The following YARS1 variants were observed in gnomAD, a reference collection of about 807,000 sequenced individuals.
YARS1 encodes the protein tyrosyl-tRNA synthetase 1.
In YARS1, 36 loss-of-function variants were observed where a neutral mutation model predicts 62.2. The observed-to-expected ratio is 0.58, with a 90% CI of 0.44 to 0.76. The LOEUF (loss-of-function observed/expected upper bound fraction) is 0.76, where lower values mean the gene tolerates loss of function less well. Among genes scored for constraint, YARS1 ranks in the 30% least tolerant of loss-of-function variants. YARS1 has a pLI of 0.00. For synonymous variants in YARS1, 234 were observed against 244.9 expected (o/e 0.96, Z 0.42); for missense variants, 524 against 639.8 (o/e 0.82, Z 1.95).
intron 5 of YARS1, among the ~76,000 whole-genome samples, chr1:32,793,891 GCTGAAAGAACTCATTA>G (rs543067720): frequency 2.3e-4 from 35 of 152,300 alleles, no homozygotes; most frequent in Admixed American, 7.2e-4. Context: ...ATAAAAGAAA[GCTGAAAGAACTCATTA>G]CTGAAAGAAC....
intron 1 of YARS1, chr1:32,811,733 G>A (rs1638591364): frequency 1.9e-5 from 3 of 156,902 alleles, no homozygotes; most frequent in Admixed American, 1.9e-4. Context: ...ATCTCAGAGT[G>A]TGGCGTTTCT....
intron 1 of YARS1, chr1:32,816,703 G>T (rs76213478): frequency 7.0e-4 from 116 of 165,628 alleles, no homozygotes; most frequent in African/African-American, 2.6e-3. Flanking sequence ...GTGGAGTGAG[G>T]GGGGGGGATC....
intron 1 of YARS1, among the ~76,000 whole-genome samples, chr1:32,812,999 C>T (rs1319308905): frequency 6.6e-6 from 1 of 151,262 alleles, no homozygotes; most frequent in Non-Finnish European, 1.5e-5. Context: ...CCTTGGCTTC[C>T]ACAACCCTCC....
intron 4 of YARS1, among the ~76,000 whole-genome samples, chr1:32,799,832 T>C (rs1041677542): frequency 1.3e-5 from 2 of 152,042 alleles, no homozygotes; most frequent in Non-Finnish European, 2.9e-5. Flanking sequence ...AGATGGAGTC[T>C]CACACACACA....
In YARS1 at chr1:32,781,030, G is replaced by T; in HGVS notation, c.1140+18C>A. On this transcript the variant is annotated intron_variant, in intron 10 of 12. Coordinates refer to ENST00000373477, the MANE Select transcript of YARS1 (RefSeq NM_003680.4). ...TGACCCCAATCTGCCTCTCTGAGAT[G>T]TGGTGAAAAATGAGTACCTTCTCCA... The T allele has an allele frequency of 6.2e-7, 1 of 1,611,224 alleles. No homozygotes were observed. The highest frequency in any genetic ancestry group is 8.5e-7 in the Non-Finnish European group (1 of 1,177,310).
At position 32,776,152 on chromosome 1, in the gene YARS1, C is replaced by CT. The variant is rs1652852339; in HGVS notation, c.1477-62dup. 1.5e-5 allele frequency: 21 copies of CT among 1,420,344 alleles called. No homozygotes were observed. Among genetic ancestry groups the CT allele is most frequent in the Non-Finnish European group, 2.1e-5 (21 of 1,019,312 alleles). 88.0% of individuals were successfully genotyped at this position (1,420,344 alleles called of 1,614,324 possible). On this transcript the variant is annotated intron_variant, in intron 12 of 12. Transcript: ENST00000373477. This position sits in a 1 kb window ranked among gnomAD's most constrained non-coding sequence, Gnocchi z 4.0. ...TGGTGGGACTGCAAGAAAACCCCCCCTTTTTTGGAGGGGGGGCAGAGTTTT... is the reference window on the plus strand; with the variant it reads ...TGGTGGGACTGCAAGAAAACCCCCCCTTTTTTTGGAGGGGGGGCAGAGTTTT...
intron 11 of YARS1, 137 bp from the exon 12 acceptor site, chr1:32,779,660 CCT>C: frequency 8.9e-7 from 1 of 1,127,522 alleles, no homozygotes; most frequent in Non-Finnish European, 1.3e-6. Context: ...CCCAGGAGGT[CCT>C]CTTATCTTGC....
intron 1 of YARS1, among the ~76,000 whole-genome samples, chr1:32,816,107 TCA>T (rs1638721326): frequency 3.2e-5 from 2 of 62,046 alleles, no homozygotes; most frequent in African/African-American, 7.2e-5. Flanking sequence ...AGACTCCGCC[TCA>T]AAAAAAAAAA....
chr1:32,780,553 C>T, intron 10 of YARS1: 1 of 513,584 alleles, frequency 1.9e-6, no homozygotes, highest in East Asian at 3.6e-5. Context: ...TGCAGGAGCA[C>T]CAGCATTGAT....
chr1:32,784,875 T>C (rs1195604604), intron 8 of YARS1, among the ~76,000 whole-genome samples: 1 of 152,196 alleles, frequency 6.6e-6, no homozygotes, highest in African/African-American at 2.4e-5. Flanking sequence ...CCTAGCATAG[T>C]GCCTAACACA....
In YARS1 at chr1:32,780,144, G is replaced by A. The variant is rs778718842; in HGVS notation, c.1275C>T (p.Asn425=). The part of the protein sequence containing the change: ...LQDRLVVVLC[N]LKPQKMRGVE... Reference sequence around the variant, plus strand: ...CTCCTCTCATCTTCTGGGGTTTCAGGTTGCACAGCACCACTACCAGCCTGT... The same window carrying A: ...CTCCTCTCATCTTCTGGGGTTTCAGATTGCACAGCACCACTACCAGCCTGT... The change falls in exon 11 of 13, where the codon AAC becomes AAT. Residue 425 remains asparagine (N), a synonymous_variant. Coordinates refer to ENST00000373477, the MANE Select transcript of YARS1 (RefSeq NM_003680.4). 100 of 1,614,012 alleles carry A rather than the reference G, an allele frequency of 6.2e-5. 1 individual carries two copies. The Admixed American group carries it at 1.6e-3, about 26-fold the overall frequency.
At chr1:32,795,251 G>A (rs964225376) in intron 5 of YARS1, among the ~76,000 whole-genome samples, 1 of 151,632 alleles carries the variant, frequency 6.6e-6, no homozygotes, top group Non-Finnish European at 1.5e-5. Flanking sequence ...CCCGGGAGGT[G>A]GAGGTTGCAG....
chr1:32,815,503 G>A (rs899685366), intron 1 of YARS1, among the ~76,000 whole-genome samples: 8 of 148,304 alleles, frequency 5.4e-5, no homozygotes, highest in African/African-American at 2.0e-4. Flanking sequence ...TTAAGACTAA[G>A]TTGTAAATGG....
chr1:32,816,272 C>T lies in YARS1; in HGVS notation c.57+916G>A, dbSNP rs566481006. On this transcript the variant is annotated intron_variant, in intron 1 of 12. Coordinates refer to ENST00000373477, the MANE Select transcript of YARS1 (RefSeq NM_003680.4). ...GCTGTGTGGCCCAACTGATTTATCA[C>T]TACTCTTAGAAGGAAGCCCAATTTA... 2.6e-5 allele frequency among the ~76,000 whole-genome samples: 4 copies of T among 152,274 alleles called. No individual in the cohort carries two copies. In the South Asian group the frequency reaches 8.3e-4, roughly 32 times the overall value.
chr1:32,776,181 CTT>C lies in YARS1; in HGVS notation c.1477-92_1477-91del. 8.9e-7 allele frequency: 1 copy of C among 1,122,028 alleles called. No homozygotes were observed. The allele number at this position is 1,122,028 out of a possible 1,614,324, so 69.5% of individuals were successfully genotyped here. On this transcript the variant is annotated intron_variant, in intron 12 of 12. Coordinates refer to ENST00000373477, the MANE Select transcript of YARS1 (RefSeq NM_003680.4). This position sits in a 1 kb window ranked among gnomAD's most constrained non-coding sequence, Gnocchi z 4.0. Reference sequence around the variant, plus strand: ...TTTGGAGGGGGGGCAGAGTTTTGCTCTTGTTGCCCAGGCTGGAGTGCAATGGC... The same window carrying C: ...TTTGGAGGGGGGGCAGAGTTTTGCTCGTTGCCCAGGCTGGAGTGCAATGGC...
Position 32,776,112 on chromosome 1 carries a change from A to G in YARS1, c.1477-21T>C. On this transcript the variant is annotated intron_variant, in intron 12 of 12. Coordinates refer to ENST00000373477, the MANE Select transcript of YARS1 (RefSeq NM_003680.4). This position sits in a 1 kb window ranked among gnomAD's most constrained non-coding sequence, Gnocchi z 4.0. ...TCAGCCTGGACAAGACAGATAAGAG[A>G]GATTTTAATGATGGTGGTGGGACTG... The G allele has an allele frequency of 6.3e-7, 1 of 1,595,144 alleles. No individual in the cohort carries two copies. Among genetic ancestry groups the G allele is most frequent in the Non-Finnish European group, 8.6e-7 (1 of 1,163,924 alleles).
At chr1:32,795,810 A>AG (rs1461755070) in intron 5 of YARS1, among the ~76,000 whole-genome samples, 1 of 151,980 alleles carries the variant, frequency 6.6e-6, no homozygotes, top group Admixed American at 6.6e-5. Flanking sequence ...CCTCTCAAAA[A>AG]AAAAAAAAAA....
rs1386518173 is a variant in YARS1, at chr1:32,817,256, C to T, written c.-12G>A. Reference sequence around the variant, plus strand: ...GGAGCGTCCCCCATGGCTCCGCTACCCCTGCTTCCCCCGCTCAGCCCGGCA... The same window carrying T: ...GGAGCGTCCCCCATGGCTCCGCTACTCCTGCTTCCCCCGCTCAGCCCGGCA... On this transcript the variant is annotated 5_prime_UTR_variant, in exon 1 of 13. Transcript: ENST00000373477. 6.2e-7 allele frequency: 1 copy of T among 1,613,810 alleles called. No individual in the cohort carries two copies. The highest frequency in any genetic ancestry group is 1.3e-5 in the African/African-American group (1 of 74,952).
intron 8 of YARS1, chr1:32,783,152 G>A (rs1344301711): frequency 1.9e-5 from 3 of 154,658 alleles, no homozygotes; most frequent in South Asian, 2.0e-4. Context: ...CAACGTGCCG[G>A]GCCAGTGTTG....
Sources: allele counts gnomAD v4.1 joint callset (sites outside exome capture counted in the v4.1 genomes callset), GRCh38; gene constraint gnomAD v4.1.1; non-coding constraint Gnocchi (gnomAD v3.1); transcripts MANE v1.5; gene names NCBI Gene and HGNC (gene_info 2026-07-23, HGNC 2026-07-21).